CROCC2: variants seen among roughly 807,000 people sequenced by gnomAD.
CROCC2 encodes the protein ciliary rootlet coiled-coil protein 2.
In CROCC2, 163 loss-of-function variants were observed where a neutral mutation model predicts 177.6. That is an observed-to-expected ratio of 0.92 (90% CI 0.81 to 1.05). The LOEUF (loss-of-function observed/expected upper bound fraction) is 1.05. Among genes scored for constraint, CROCC2 ranks in the 50% least tolerant of loss-of-function variants. CROCC2 has a pLI of 0.00. For synonymous variants in CROCC2, 904 were observed against 787.3 expected (o/e 1.15, Z -2.48); for missense variants, 1,929 against 1,797.8 (o/e 1.07, Z -1.32).
rs1407233088 is a variant in CROCC2 at position 240,918,470 on chromosome 2, C to T, written c.79-256C>T. Among the ~76,000 whole-genome samples, 1 of 152,212 alleles carries T rather than the reference C, an allele frequency of 6.6e-6. No individual in the cohort carries two copies. The highest frequency in any genetic ancestry group is 6.5e-5 in the Admixed American group (1 of 15,288). ...CACCAAGACAGGGCAGAGCCCCAAG[C>T]GCAGTACCTGCTCCTGCTGACCTCG... On this transcript the variant is annotated intron_variant, in intron 1 of 31. Coordinates refer to ENST00000690015, the MANE Select transcript of CROCC2 (RefSeq NM_001351305.2). This position sits in a 1 kb window ranked among gnomAD's most constrained non-coding sequence, Gnocchi z 6.3.
chr2:240,962,088 A>G (rs979813956), intron 20 of CROCC2, among the ~76,000 whole-genome samples: 11 of 151,382 alleles, frequency 7.3e-5, no homozygotes, highest in African/African-American at 2.7e-4. Context: ...ACTCACACAC[A>G]CACACACACT....
At chr2:240,971,143 C>T (rs1368916725) in intron 27 of CROCC2, among the ~76,000 whole-genome samples, 2 of 152,200 alleles carry the variant, frequency 1.3e-5, no homozygotes, top group Non-Finnish European at 2.9e-5. Flanking sequence ...CCCATCTCCA[C>T]GTGCCTCACA....
Position 240,931,265 on chromosome 2 carries a change from G to T in CROCC2, c.947+137G>T, listed in dbSNP as rs529527129. On this transcript the variant is annotated intron_variant, in intron 7 of 31. Coordinates refer to ENST00000690015, the MANE Select transcript of CROCC2 (RefSeq NM_001351305.2). The stretch of plus-strand genomic sequence containing the variant: ...GTGGGGCCCTGATGTCACTGGTGGT[G>T]CACACTCTTCAGAGTCACCATCCCA... 5.7e-4 allele frequency: 342 copies of T among 596,430 alleles called. 1 individual carries two copies. The East Asian group carries it at 9.5e-3, about 17-fold the overall frequency. 36.9% of individuals were successfully genotyped at this position (596,430 alleles called of 1,614,324 possible).
chr2:240,925,406 T>C (rs1158241157), intron 4 of CROCC2, among the ~76,000 whole-genome samples: 1 of 152,120 alleles, frequency 6.6e-6, no homozygotes, highest in Non-Finnish European at 1.5e-5. Context: ...CCTGGCACCT[T>C]GTCTCAGGCA....
Position 240,982,574 on chromosome 2 carries a change from A to G in CROCC2, c.4402-306A>G, listed in dbSNP as rs751568430. The G allele has an allele frequency of 1.5e-5, 4 of 260,464 alleles. No homozygotes were observed. Among genetic ancestry groups the G allele is most frequent in the Non-Finnish European group, 2.9e-5 (4 of 138,610 alleles). The allele number at this position is 260,464 out of a possible 1,614,324, so 16.1% of individuals were successfully genotyped here. ...TGGAGGCAGGGCAGGGATGCCACTGATGTGCCCTCTGAGACCACTGGCTGC... is the reference window on the plus strand; with the variant it reads ...TGGAGGCAGGGCAGGGATGCCACTGGTGTGCCCTCTGAGACCACTGGCTGC... On this transcript the variant is annotated intron_variant, in intron 27 of 31. Transcript: ENST00000690015. This position sits in a 1 kb window ranked among gnomAD's most constrained non-coding sequence, Gnocchi z 4.7.
chr2:240,929,913 C>T (rs1444909026), intron 5 of CROCC2, among the ~76,000 whole-genome samples: 3 of 152,230 alleles, frequency 2.0e-5, no homozygotes, highest in Admixed American at 6.5e-5. Context: ...CTCCCACCTC[C>T]ATGCACGCAG....
chr2:240,958,289 A>C lies in CROCC2; in HGVS notation c.2944-1012A>C. 4 of 710,070 alleles carry C rather than the reference A, an allele frequency of 5.6e-6. No individual in the cohort carries two copies. The highest frequency in any genetic ancestry group is 6.9e-6 in the Non-Finnish European group (4 of 578,230). The allele number at this position is 710,070 out of a possible 1,614,324, so 44.0% of individuals were successfully genotyped here. A position where few individuals can be genotyped will look rare whatever the true frequency, so the allele number is the denominator to read the frequency against. On this transcript the variant is annotated intron_variant, in intron 19 of 31. Transcript: ENST00000690015. This position sits in a 1 kb window ranked among gnomAD's most constrained non-coding sequence, Gnocchi z 6.7. ...CTGCAGCCAGGCCTCAGGGGCACCCATCACTGGCAGTGTTGGGGCATGCTG... is the reference window on the plus strand; with the variant it reads ...CTGCAGCCAGGCCTCAGGGGCACCCCTCACTGGCAGTGTTGGGGCATGCTG...
chr2:240,913,552 G>A, intron 1 of CROCC2, among the ~76,000 whole-genome samples: 1 of 152,208 alleles, frequency 6.6e-6, no homozygotes, highest in East Asian at 1.9e-4. Context: ...TGGCATAGAA[G>A]GGAGTGAGAA....
intron 30 of CROCC2, 53 bp from the exon 31 acceptor site, chr2:240,991,143 G>A: frequency 7.2e-7 from 1 of 1,396,982 alleles, no homozygotes; most frequent in Non-Finnish European, 9.7e-7. Context: ...TATGCCCTGG[G>A]GCCCTGGCCG....
chr2:240,964,011 C>T, intron 21 of CROCC2: 1 of 591,158 alleles, frequency 1.7e-6, no homozygotes, highest in Non-Finnish European at 3.0e-6. Context: ...ACAGGGAGTT[C>T]CCATCCAGCA....
chr2:240,939,830 C>G (rs1226678635), intron 14 of CROCC2, among the ~76,000 whole-genome samples: 1 of 152,084 alleles, frequency 6.6e-6, no homozygotes, highest in Non-Finnish European at 1.5e-5. Context: ...CATATATGGC[C>G]TAACTTCCAA....
At chr2:240,944,777 T>C (rs975901100) in intron 14 of CROCC2, among the ~76,000 whole-genome samples, 10 of 152,150 alleles carry the variant, frequency 6.6e-5, no homozygotes. Context: ...CTATATCTAT[T>C]TTCTGTTCTT....
rs1297602923 is a variant in CROCC2, at chr2:240,918,688, G to A, written c.79-38G>A. ...TAGAGGGTGCCTGGCAGCTGTTGGG[G>A]GCTGCCATCTCCAGGTATCTCTGGG... On this transcript the variant is annotated intron_variant, in intron 1 of 31. Transcript: ENST00000690015. This position sits in a 1 kb window ranked among gnomAD's most constrained non-coding sequence, Gnocchi z 6.3. 19 of 541,578 alleles carry A rather than the reference G, an allele frequency of 3.5e-5. No individual in the cohort carries two copies. The highest frequency in any genetic ancestry group is 4.3e-5 in the Non-Finnish European group (13 of 300,494). The allele number at this position is 541,578 out of a possible 1,614,324, so 33.5% of individuals were successfully genotyped here. A position where few individuals can be genotyped will look rare whatever the true frequency, so the allele number is the denominator to read the frequency against.
At position 240,953,702 on chromosome 2, in the gene CROCC2, C is replaced by T. The variant is rs761494600; in HGVS notation, c.2830-2157C>T. Among the ~76,000 whole-genome samples, 3 of 152,188 alleles carry T rather than the reference C, an allele frequency of 2.0e-5. No individual in the cohort carries two copies. Among genetic ancestry groups the T allele is most frequent in the Non-Finnish European group, 2.9e-5 (2 of 68,038 alleles). ...CACTTCCCCACACTTCCCTGAGGAA[C>T]CTGTGATGACCCAGTCACAAAACAG... is the stretch of plus-strand genomic sequence containing the variant. On this transcript the variant is annotated intron_variant, in intron 18 of 31. Transcript: ENST00000690015. The surrounding 1 kb of genome is among the most constrained non-coding windows in gnomAD (Gnocchi z 4.0).
At chr2:240,964,410 G>A in intron 21 of CROCC2, 56 bp from the exon 22 acceptor site, 1 of 1,542,924 alleles carries the variant, frequency 6.5e-7, no homozygotes, top group South Asian at 1.2e-5. Context: ...CTGCTGGGCA[G>A]CTGTGCTGGC....
intron 14 of CROCC2, among the ~76,000 whole-genome samples, chr2:240,943,610 C>T (rs1477035425): frequency 6.6e-6 from 1 of 151,884 alleles, no homozygotes; most frequent in Non-Finnish European, 1.5e-5. Context: ...GCCTCAGCCT[C>T]CTGAGTAGCT....
intron 27 of CROCC2, among the ~76,000 whole-genome samples, chr2:240,971,838 C>T (rs2059722959): frequency 6.6e-6 from 1 of 152,162 alleles, no homozygotes; most frequent in African/African-American, 2.4e-5. Flanking sequence ...TCTCGGTTTT[C>T]CCCAAGGTCC....
intron 3 of CROCC2, among the ~76,000 whole-genome samples, chr2:240,921,859 C>T (rs1484680944): frequency 6.6e-6 from 1 of 152,244 alleles, no homozygotes; most frequent in Non-Finnish European, 1.5e-5. Context: ...CTGCCCTCCC[C>T]TCCACCCCTC....
intron 11 of CROCC2, 37 bp downstream of exon 11, chr2:240,933,889 AC>A: frequency 6.5e-7 from 1 of 1,527,740 alleles, no homozygotes; most frequent in Non-Finnish European, 8.8e-7. Flanking sequence ...GGCCCCTCCC[AC>A]AGAAGAGACC....
Sources: allele counts gnomAD v4.1 joint callset (sites outside exome capture counted in the v4.1 genomes callset), GRCh38; gene constraint gnomAD v4.1.1; non-coding constraint Gnocchi (gnomAD v3.1); transcripts MANE v1.5; gene names NCBI Gene and HGNC (gene_info 2026-07-23, HGNC 2026-07-21).